Variants in AHNAK observed in about 807,000 individuals in gnomAD.
AHNAK encodes the protein AHNAK nucleoprotein, also known as neuroblast differentiation-associated protein AHNAK.
AHNAK carries 23 observed loss-of-function variants against 37.8 expected under a neutral mutation model. The ratio of observed to expected loss-of-function variants is 0.61; its 90% confidence interval spans 0.44 to 0.86. The LOEUF (loss-of-function observed/expected upper bound fraction) is 0.86. Ranked by LOEUF, AHNAK falls within the 40% of genes least tolerant of loss-of-function variation. The probability of loss-of-function intolerance (pLI) is 0.00; values close to 1 mark genes in which losing one functional copy is unlikely to be tolerated. For synonymous variants in AHNAK, 2,481 were observed against 2,636.3 expected (o/e 0.94, Z 1.80); for missense variants, 7,411 against 7,319.4 (o/e 1.01, Z -0.46).
rs201187864 is a variant in AHNAK at position 62,528,759 on chromosome 11, G to A, written c.5658C>T (p.Gly1886=). The A allele has an allele frequency of 1.9e-4, 297 of 1,544,762 alleles. 1 individual carries two copies. Among genetic ancestry groups the A allele is most frequent in the African/African-American group, 1.3e-3 (78 of 58,144 alleles). ...SVPKLEGDLT[G]PSVGVEVPDV... Reference sequence around the variant, plus strand: ...CAGGCACCTCCACACCCACACTGGGGCCTGTTAAATCTCCCTCCAATTTTG... The same window carrying A: ...CAGGCACCTCCACACCCACACTGGGACCTGTTAAATCTCCCTCCAATTTTG... Residue 1886 remains glycine (G), a synonymous_variant, in exon 5 of 5, where the codon GGC becomes GGT. Coordinates refer to ENST00000378024, the MANE Select transcript of AHNAK (RefSeq NM_001620.3).
chr11:62,468,026 A>AG (rs1323363728), intron 5 of AHNAK, among the ~76,000 whole-genome samples: 1 of 152,042 alleles, frequency 6.6e-6, no homozygotes, highest in African/African-American at 2.4e-5. Context: ...TCTTCCATTG[A>AG]GGGATGATGA....
rs779490941 is a variant in AHNAK, at chr11:62,529,255, C to A, written c.5162G>T (p.Ser1721Ile). ...GCCCTCTGCTTTGAAGCCAGGCATACTGAACTTGGGCATTTTCATCTTGGG... is the reference window on the plus strand; with the variant it reads ...GCCCTCTGCTTTGAAGCCAGGCATAATGAACTTGGGCATTTTCATCTTGGG... ...KMPKMKMPKF[S>I]MPGFKAEGPE... Residue 1721 changes from serine to isoleucine, a missense_variant, in exon 5 of 5, where the codon AGT (serine) becomes ATT (isoleucine). Coordinates refer to ENST00000378024, the MANE Select transcript of AHNAK (RefSeq NM_001620.3). 1 of 1,614,092 alleles carries A rather than the reference C, an allele frequency of 6.2e-7. No homozygotes were observed. The highest frequency in any genetic ancestry group is 1.1e-5 in the South Asian group (1 of 91,090).
chr11:62,531,270 C>G lies in AHNAK; in HGVS notation c.3147G>C (p.Lys1049Asn), dbSNP rs776859050. The stretch of plus-strand genomic sequence containing the variant: ...GCATCTTAAACTTCGGGCCTTTCAA[C>G]TTCCCTTCAGGTCCTTCAAGGCTCA... ...PDLSLEGPEG[K>N]LKGPKFKMPE... Residue 1049 changes from lysine (K) to asparagine (N), a missense_variant, in exon 5 of 5, where the codon AAG becomes AAC. Physicochemically the swap from Lys to Asn is moderately conservative, Grantham distance 94 (BLOSUM62 0). Coordinates refer to ENST00000378024, the MANE Select transcript of AHNAK (RefSeq NM_001620.3). 1.1e-5 allele frequency: 18 copies of G among 1,613,460 alleles called. No homozygotes were observed. The highest frequency in any genetic ancestry group is 1.3e-5 in the Non-Finnish European group (15 of 1,179,788).
intron 5 of AHNAK, among the ~76,000 whole-genome samples, chr11:62,470,521 G>A (rs1030081315): frequency 4.6e-5 from 7 of 152,058 alleles, no homozygotes; most frequent in African/African-American, 9.7e-5. Flanking sequence ...CAGGAGAATC[G>A]CTTGAACCCG....
intron 5 of AHNAK, among the ~76,000 whole-genome samples, chr11:62,487,938 G>A (rs924999186): frequency 5.3e-5 from 8 of 152,272 alleles, no homozygotes; most frequent in African/African-American, 1.9e-4. Context: ...TGGGGGACAC[G>A]CAAGTTGGTT....
At chr11:62,475,310 A>T (rs1452205678) in intron 5 of AHNAK, among the ~76,000 whole-genome samples, 2 of 151,862 alleles carry the variant, frequency 1.3e-5, no homozygotes, top group African/African-American at 4.8e-5. Context: ...TCTCAAAAAA[A>T]AGGTGGGGGG....
In AHNAK at chr11:62,522,284, C is replaced by A. The variant is rs1264927005; in HGVS notation, c.12133G>T (p.Asp4045Tyr). Reference protein sequence around the residue: ...VDIKGPKVDIDAPDVDVHGPD... With the variant: ...VDIKGPKVDIYAPDVDVHGPD... ...CCATGAACATCCACATCTGGGGCAT[C>A]AATGTCCACTTTGGGGCCCTTGATG... Residue 4045 changes from aspartate (D) to tyrosine (Y), a missense_variant, in exon 5 of 5, where the codon GAT becomes TAT. By Grantham distance (160) the Asp-to-Tyr change is radical. Coordinates refer to ENST00000378024, the MANE Select transcript of AHNAK (RefSeq NM_001620.3). 6.2e-7 allele frequency: 1 copy of A among 1,605,174 alleles called. No individual in the cohort carries two copies. Among genetic ancestry groups the A allele is most frequent in the Non-Finnish European group, 8.5e-7 (1 of 1,176,478 alleles).
At chr11:62,539,455 AG>A (rs1941056768) in intron 1 of AHNAK, among the ~76,000 whole-genome samples, 1 of 3,660 alleles carries the variant, frequency 2.7e-4, no homozygotes, top group Admixed American at 2.3e-3. Context: ...CTCCCGCCCC[AG>A]TGAGTCACTG....
Position 62,520,536 on chromosome 11 carries a change from A to T in AHNAK, c.13881T>A (p.Val4627=), listed in dbSNP as rs1351622519. The T allele has an allele frequency of 6.2e-7, 1 of 1,614,020 alleles. No individual in the cohort carries two copies. The highest frequency in any genetic ancestry group is 8.5e-7 in the Non-Finnish European group (1 of 1,180,050). Reference sequence around the variant, plus strand: ...TGTCCACTTTGGGGTCCCTGATGTCAACTTCGGGGCCCTTGAGGTCGCCTT... The same window carrying T: ...TGTCCACTTTGGGGTCCCTGATGTCTACTTCGGGGCCCTTGAGGTCGCCTT... The part of the protein sequence containing the change: ...KVEGDLKGPE[V]DIRDPKVDID... The change falls in exon 5 of 5, where the codon GTT becomes GTA. Residue 4627 remains valine (V), a synonymous_variant. Transcript: ENST00000378024.
chr11:62,496,392 C>T (rs1050128964), intron 4 of AHNAK, among the ~76,000 whole-genome samples: 4 of 152,046 alleles, frequency 2.6e-5, no homozygotes, highest in African/African-American at 7.2e-5. Flanking sequence ...CTAAACTGTA[C>T]GGAAATCATC....
At position 62,535,048 on chromosome 11, in the gene AHNAK, G is replaced by A. The variant is rs1940897407; in HGVS notation, c.297C>T (p.Thr99=). The part of the protein sequence containing the change: ...KGDRSPEPGQ[T]WTREVFSSCS... ...AGGAGCTGAAGACTTCACGGGTCCA[G>A]GTCTGGCCAGGCTCGGGAGAGCGGT... is the stretch of plus-strand genomic sequence containing the variant. Residue 99 remains threonine (T), a synonymous_variant, in exon 4 of 5, where the codon ACC becomes ACT. Transcript: ENST00000378024. The A allele has an allele frequency of 6.2e-7, 1 of 1,613,756 alleles. No homozygotes were observed. Among genetic ancestry groups the A allele is most frequent in the Middle Eastern group, 1.7e-4 (1 of 6,022 alleles).
chr11:62,475,864 C>A (rs1349905509), intron 5 of AHNAK, among the ~76,000 whole-genome samples: 1 of 152,086 alleles, frequency 6.6e-6, no homozygotes, highest in South Asian at 2.1e-4. Context: ...CTCAGTCTCC[C>A]AAAGTGCTGG....
intron 5 of AHNAK, among the ~76,000 whole-genome samples, chr11:62,440,972 C>T (rs1193002514): frequency 1.3e-5 from 2 of 151,970 alleles, no homozygotes; most frequent in Non-Finnish European, 2.9e-5. Context: ...TCAAGACTAG[C>T]CTGGACAACA....
Position 62,528,756 on chromosome 11 carries a change from G to A in AHNAK, c.5661C>T (p.Pro1887=). 3 of 1,605,602 alleles carry A rather than the reference G, an allele frequency of 1.9e-6. No homozygotes were observed. The highest frequency in any genetic ancestry group is 2.5e-6 in the Non-Finnish European group (3 of 1,177,832). ...CATCAGGCACCTCCACACCCACACT[G>A]GGGCCTGTTAAATCTCCCTCCAATT... ...VPKLEGDLTG[P]SVGVEVPDVE... Residue 1887 remains proline (P), a synonymous_variant, in exon 5 of 5, where the codon CCC becomes CCT. Transcript: ENST00000378024.
chr11:62,532,733 C>T lies in AHNAK; in HGVS notation c.1684G>A (p.Gly562Arg), dbSNP rs755276460. ...LTGPRLGSPS[G>R]KTGTCRISMS... ...GAGATCCTACAGGTTCCGGTTTTCC[C>T]GGAAGGACTGCCAAGCCTAGGGCCT... Residue 562 changes from glycine to arginine, a missense_variant, in exon 5 of 5, where the codon GGG becomes AGG. Physicochemically the swap from Gly to Arg is moderately radical, Grantham distance 125 (BLOSUM62 -2). Transcript: ENST00000378024. 2.8e-5 allele frequency: 45 copies of T among 1,613,868 alleles called. 1 individual carries two copies. The highest frequency in any genetic ancestry group is 8.9e-5 in the East Asian group (4 of 44,890).
rs117375187 is a variant in AHNAK at position 62,458,777 on chromosome 11, C to T, written c.443-24886G>A. Among the ~76,000 whole-genome samples the T allele has an allele frequency of 3.7e-3, 464 of 124,812 alleles. 14 individuals are homozygous for T. In the East Asian group the frequency reaches 0.087, roughly 23 times the overall value. 81.9% of individuals were successfully genotyped at this position (124,812 alleles called of 152,430 possible). On this transcript the variant is annotated intron_variant, in intron 5 of 5. Transcript: ENST00000257247. ...GGTGTAGATCCTGAACCACCTGCAC[C>T]AGACTCACCTGGAGGGCTTATTCAA... is the stretch of plus-strand genomic sequence containing the variant.
intron 5 of AHNAK, among the ~76,000 whole-genome samples, chr11:62,436,058 G>C (rs1244978587): frequency 6.6e-6 from 1 of 152,194 alleles, no homozygotes; most frequent in East Asian, 1.9e-4. Flanking sequence ...TGGAGTTCAA[G>C]CCTGGCTCAC....
At position 62,517,214 on chromosome 11, in the gene AHNAK, A is replaced by G; in HGVS notation, c.17203T>C (p.Ser5735Pro). ...KGGVTGSPEASISGSKGDLKS... is the reference protein window; with the variant it reads ...KGGVTGSPEAPISGSKGDLKS... ...AGGTCACCTTTGGACCCAGAAATTG[A>G]TGCTTCTGGTGAGCCAGTGACACCA... The change falls in exon 5 of 5, where the codon TCA (serine) becomes CCA (proline). Residue 5735 changes from serine to proline, a missense_variant. By Grantham distance (74) the Ser-to-Pro change is moderately conservative. Coordinates refer to ENST00000378024, the MANE Select transcript of AHNAK (RefSeq NM_001620.3). 6.2e-7 allele frequency: 1 copy of G among 1,614,150 alleles called. No homozygotes were observed. Among genetic ancestry groups the G allele is most frequent in the Non-Finnish European group, 8.5e-7 (1 of 1,180,046 alleles).
At chr11:62,468,371 A>AAT (rs1372260592) in intron 5 of AHNAK, among the ~76,000 whole-genome samples, 43 of 149,498 alleles carry the variant, frequency 2.9e-4, no homozygotes, top group African/African-American at 6.7e-4. Flanking sequence ...AAAAAAAAAA[A>AAT]ATATATATAT....
Sources: gnomAD v4.1 joint callset for allele counts (sites outside exome capture counted in the v4.1 genomes callset) on GRCh38, gnomAD v4.1.1 for gene constraint, MANE v1.5 for transcripts, NCBI Gene and HGNC (gene_info 2026-07-23, HGNC 2026-07-21) for gene names.